The following TMEM256 variants were observed in gnomAD, a reference collection of about 807,000 sequenced individuals.
TMEM256 encodes the protein transmembrane protein 256.
Under a neutral mutation model 14.8 loss-of-function variants are expected in TMEM256, and 14 were observed. That is an observed-to-expected ratio of 0.95 (90% CI 0.63 to 1.48). TMEM256 has a LOEUF of 1.48. Among genes scored for constraint, TMEM256 ranks in the 40% most tolerant of loss-of-function variants. The pLI is 0.00. For missense variants in TMEM256, 146 were observed against 137.9 expected (o/e 1.06, Z -0.30); for synonymous variants, 68 against 60.7 (o/e 1.12, Z -0.56).
In TMEM256 at chr17:7,403,112, G is replaced by A. The variant is rs61736090; in HGVS notation, c.296C>T (p.Ala99Val). Residue 99 changes from alanine to valine, a missense_variant, in exon 4 of 4, where the codon GCG becomes GTG. Transcript: ENST00000302422. ...GDPSIQTLAP[A>V]GGTLLLLGWL... ...GCCCAAGAGTAGCAGGGTCCCTCCC[G>A]CAGGGGCCAAAGTCTGGATGCTGGG... The A allele has an allele frequency of 5.5e-3, 8,908 of 1,614,068 alleles. 397 individuals carry two copies. In the African/African-American group the frequency reaches 0.1, roughly 18 times the overall value.
At chr17:7,403,779 A>ACCGGGGGGGGGGGGGGGGG in intron 1 of TMEM256, 90 bp from the exon 2 acceptor site, 1 of 1,306,710 alleles carries the variant, frequency 7.7e-7, no homozygotes. Context: ...TTGGCGAGAA[A>ACCGGGGGGGGGGGGGGGGG]GGGCACCCCC....
chr17:7,403,188 C>A lies in TMEM256; in HGVS notation c.220G>T (p.Gly74Ter). The change falls in exon 4 of 4, where the codon GGA becomes TGA. Residue 74 changes from glycine (G) to a stop codon, truncating the protein, a stop_gained. Coordinates refer to ENST00000302422, the MANE Select transcript of TMEM256 (RefSeq NM_152766.5). LOFTEE classifies it high-confidence loss of function. The stretch of plus-strand genomic sequence containing the variant: ...AAGCTGGTGCAGAATAAGGTCGTTC[C>A]GGAAGCTAGCAATAACCCAGCCTGA... ...PLWAGLLLAS[G>*]TTLFCTSFYY... is the part of the protein sequence containing the mutation. The A allele has an allele frequency of 6.2e-7, 1 of 1,614,076 alleles. No individual in the cohort carries two copies. Among genetic ancestry groups the A allele is most frequent in the South Asian group, 1.1e-5 (1 of 91,072 alleles).
Position 7,403,195 on chromosome 17 carries a change from T to C in TMEM256, c.213A>G (p.Leu71=). The stretch of plus-strand genomic sequence containing the variant: ...TGCAGAATAAGGTCGTTCCGGAAGC[T>C]AGCAATAACCCAGCCTGAAGGAGAC... ...CRKPLWAGLL[L]ASGTTLFCTS... The change falls in exon 4 of 4, where the codon CTA becomes CTG. Residue 71 remains leucine (L), a synonymous_variant. Coordinates refer to ENST00000302422, the MANE Select transcript of TMEM256 (RefSeq NM_152766.5). 3 of 1,614,112 alleles carry C rather than the reference T, an allele frequency of 1.9e-6. No homozygotes were observed. Among genetic ancestry groups the C allele is most frequent in the Non-Finnish European group, 2.5e-6 (3 of 1,180,022 alleles).
intron 1 of TMEM256, 89 bp from the exon 2 acceptor site, chr17:7,403,778 A>ACGGGGGGGGGGG: frequency 7.5e-7 from 1 of 1,340,674 alleles, no homozygotes; most frequent in Non-Finnish European, 1.0e-6. Flanking sequence ...ATTGGCGAGA[A>ACGGGGGGGGGGG]AGGGCACCCC....
At chr17:7,403,600 C>G (rs1906433964) in intron 2 of TMEM256, 58 bp downstream of exon 2, 1 of 1,611,892 alleles carries the variant, frequency 6.2e-7, no homozygotes, top group Admixed American at 1.7e-5. Flanking sequence ...CCCAGGGACC[C>G]CAGACTTTGT....
At chr17:7,403,852 G>T in intron 1 of TMEM256, 148 bp downstream of exon 1, 1 of 1,250,098 alleles carries the variant, frequency 8.0e-7, no homozygotes, top group Non-Finnish European at 1.1e-6. Flanking sequence ...GGAACCAATT[G>T]GACCCAGCTG....
chr17:7,403,477 C>T, intron 2 of TMEM256, 87 bp from the exon 3 acceptor site: 1 of 1,494,716 alleles, frequency 6.7e-7, no homozygotes, highest in Non-Finnish European at 9.3e-7. Context: ...AGTTCCTTCC[C>T]CCACCCCACC....
chr17:7,403,786 C>CA (rs1567656634), intron 1 of TMEM256, 97 bp from the exon 2 acceptor site: 21 of 280,766 alleles, frequency 7.5e-5, no homozygotes, highest in South Asian at 3.1e-4. Context: ...GAAAGGGCAC[C>CA]CCCCCCCCCG....
rs993391472 is a variant in TMEM256, at chr17:7,403,786, C to G, written c.86-97G>C. On this transcript the variant is annotated intron_variant, in intron 1 of 3. Coordinates refer to ENST00000302422, the MANE Select transcript of TMEM256 (RefSeq NM_152766.5). ...GGTGGACATTGGCGAGAAAGGGCAC[C>G]CCCCCCCCCGCCCCAGGAAGCTTCC... 49 of 280,766 alleles carry G rather than the reference C, an allele frequency of 1.7e-4. 2 individuals are homozygous for G. The highest frequency in any genetic ancestry group is 2.6e-4 in the Non-Finnish European group (47 of 184,252). The allele number at this position is 280,766 out of a possible 1,614,324, so 17.4% of individuals were successfully genotyped here.
intron 1 of TMEM256, 30 bp downstream of exon 1, chr17:7,403,970 C>G (rs745910790): frequency 3.2e-6 from 5 of 1,549,076 alleles, no homozygotes; most frequent in Non-Finnish European, 4.4e-6. Flanking sequence ...GCCCCAAGTA[C>G]AGTCCCATCT....
In TMEM256 at chr17:7,403,657, C is replaced by T. The variant is rs1906438790; in HGVS notation, c.117+1G>A. 1 of 1,613,924 alleles carries T rather than the reference C, an allele frequency of 6.2e-7. No homozygotes were observed. Among genetic ancestry groups the T allele is most frequent in the South Asian group, 1.1e-5 (1 of 91,082 alleles). On this transcript the variant is annotated splice_donor_variant, in intron 2 of 3. Transcript: ENST00000302422. LOFTEE classifies it high-confidence loss of function. ...AGGGAGCCCCAGCGCAGTTACTTCA[C>T]CTCCTTCCCGTAGGCATCTGGGAAT...
At chr17:7,403,779 A>AGGGGGGGGGG in intron 1 of TMEM256, 90 bp from the exon 2 acceptor site, 1 of 1,306,680 alleles carries the variant, frequency 7.7e-7, no homozygotes, top group Non-Finnish European at 1.0e-6. Context: ...TTGGCGAGAA[A>AGGGGGGGGGG]GGGCACCCCC....
rs760930673 is a variant in TMEM256, at chr17:7,403,974, C to T, written c.85+26G>A. 5.8e-6 allele frequency: 9 copies of T among 1,555,044 alleles called. No homozygotes were observed. The South Asian group carries it at 1.1e-4, about 19-fold the overall frequency. On this transcript the variant is annotated intron_variant, in intron 1 of 3. Transcript: ENST00000302422. The stretch of plus-strand genomic sequence containing the variant: ...CCCCAGAGGACGCCCCAAGTACAGT[C>T]CCATCTTCGTCCCCAGCCCCCTGAC...
intron 1 of TMEM256, 47 bp downstream of exon 1, chr17:7,403,953 A>G (rs376541567): frequency 6.6e-7 from 1 of 1,513,368 alleles, no homozygotes; most frequent in African/African-American, 1.4e-5. Flanking sequence ...AGCAGACCCC[A>G]GAGGACGCCC....
At chr17:7,403,793 CCCG>C in intron 1 of TMEM256, 104 bp from the exon 2 acceptor site, 3 of 1,061,330 alleles carry the variant, frequency 2.8e-6, no homozygotes, top group Non-Finnish European at 3.9e-6. Context: ...CACCCCCCCC[CCCG>C]CCCCAGGAAG....
Position 7,403,216 on chromosome 17 carries a change from G to A in TMEM256, c.199-7C>T, listed in dbSNP as rs775293898. 2.1e-5 allele frequency: 34 copies of A among 1,614,180 alleles called. No homozygotes were observed. The highest frequency in any genetic ancestry group is 2.9e-5 in the Non-Finnish European group (34 of 1,180,028). ...AAGCTAGCAATAACCCAGCCTGAAGGAGACACAGCACAGAAAACAGGATTG... is the reference window on the plus strand; with the variant it reads ...AAGCTAGCAATAACCCAGCCTGAAGAAGACACAGCACAGAAAACAGGATTG... On this transcript the variant is annotated splice_polypyrimidine_tract_variant and splice_region_variant and intron_variant, in intron 3 of 3. Coordinates refer to ENST00000302422, the MANE Select transcript of TMEM256 (RefSeq NM_152766.5).
chr17:7,403,837 T>G, intron 1 of TMEM256, 148 bp from the exon 2 acceptor site: 1 of 1,065,718 alleles, frequency 9.4e-7, no homozygotes, highest in South Asian at 1.4e-5. Context: ...GCTCGGGCAG[T>G]ACTGGGAACC....
chr17:7,404,013 G>A lies in TMEM256; in HGVS notation c.72C>T (p.Ser24=), dbSNP rs924481230. The A allele has an allele frequency of 2.5e-6, 4 of 1,599,446 alleles. No homozygotes were observed. The highest frequency in any genetic ancestry group is 3.4e-6 in the Non-Finnish European group (4 of 1,173,050). ...CAGCCCCCTGACCGTGCGCCCCGTA[G>A]GAAGCGAAGCCTAAGGCCGCAGCTC... ...LSGAAALGFA[S]YGAHGAQFPD... The change falls in exon 1 of 4, where the codon TCC becomes TCT. Residue 24 remains serine (S), a synonymous_variant. Transcript: ENST00000302422.
chr17:7,404,007 C>T lies in TMEM256; in HGVS notation c.78G>A (p.Gly26=). The change falls in exon 1 of 4, where the codon GGG becomes GGA. Residue 26 remains glycine (G), a synonymous_variant. Coordinates refer to ENST00000302422, the MANE Select transcript of TMEM256 (RefSeq NM_152766.5). ...CGTCCCCAGCCCCCTGACCGTGCGC[C>T]CCGTAGGAAGCGAAGCCTAAGGCCG... ...GAAALGFASY[G]AHGAQFPDAY... 1.9e-6 allele frequency: 3 copies of T among 1,596,240 alleles called. No homozygotes were observed. The highest frequency in any genetic ancestry group is 2.6e-6 in the Non-Finnish European group (3 of 1,171,304).
Sources: gnomAD v4.1 joint callset for allele counts on GRCh38, gnomAD v4.1.1 for gene constraint, MANE v1.5 for transcripts, NCBI Gene and HGNC (gene_info 2026-07-23, HGNC 2026-07-21) for gene names.